The following DOCK9 variants were observed in gnomAD, a reference collection of about 807,000 sequenced individuals.
DOCK9 encodes the protein dedicator of cytokinesis 9.
In DOCK9, 89 loss-of-function variants were observed where a neutral mutation model predicts 263.3. The ratio of observed to expected loss-of-function variants is 0.34; its 90% CI spans 0.28 to 0.40. The LOEUF (loss-of-function observed/expected upper bound fraction) is 0.40. DOCK9 is among the 10% of genes least tolerant of loss of function. The probability of loss-of-function intolerance (pLI) is 1.00; values close to 1 mark genes in which losing one functional copy is unlikely to be tolerated. For synonymous variants in DOCK9, 976 were observed against 973.1 expected (o/e 1.00, Z -0.06); for missense variants, 2,140 against 2,603.4 (o/e 0.82, Z 3.87).
At chr13:98,988,232 G>A (rs1324985) in intron 1 of DOCK9, among the ~76,000 whole-genome samples, 75,239 of 151,914 alleles carry the variant, frequency 0.5, 18,913 homozygotes, top group East Asian at 0.66. Flanking sequence ...TATTCATTTC[G>A]GGAACAAAAT....
chr13:98,878,784 G>A (rs1045410458), intron 27 of DOCK9, among the ~76,000 whole-genome samples: 2 of 152,216 alleles, frequency 1.3e-5, no homozygotes, highest in South Asian at 2.1e-4. Flanking sequence ...TGCTTTACGG[G>A]AGGAAAAGGA....
chr13:99,053,759 T>C (rs755121780), intron 1 of DOCK9, among the ~76,000 whole-genome samples: 4 of 152,154 alleles, frequency 2.6e-5, no homozygotes, highest in African/African-American at 4.8e-5. Flanking sequence ...TCCCCAGCGA[T>C]AGCACAACAT....
At chr13:98,929,282 C>A (rs1281159811) in intron 3 of DOCK9, among the ~76,000 whole-genome samples, 1 of 152,202 alleles carries the variant, frequency 6.6e-6, no homozygotes, top group African/African-American at 2.4e-5. Flanking sequence ...GTGGCTCATG[C>A]CAGTAATCCT....
At chr13:98,982,411 A>G (rs1877423656), upstream of DOCK9, among the ~76,000 whole-genome samples, 1 of 152,198 alleles carries the variant, frequency 6.6e-6, no homozygotes, top group Non-Finnish European at 1.5e-5. Flanking sequence ...ATCTTCCCCA[A>G]GAACCCCTCC....
chr13:98,806,865 C>T (rs111242702), intron 48 of DOCK9, among the ~76,000 whole-genome samples: 8 of 150,720 alleles, frequency 5.3e-5, no homozygotes, highest in African/African-American at 2.0e-4. Context: ...GCTGAGATAG[C>T]GCCACTGCAC....
chr13:98,884,040 C>G (rs2045290370), intron 21 of DOCK9, 141 bp from the exon 22 acceptor site: 1 of 600,328 alleles, frequency 1.7e-6, no homozygotes, highest in Non-Finnish European at 2.9e-6. Context: ...GGGCCCATGG[C>G]AGGAATGCAG....
At chr13:98,863,334 T>C in intron 31 of DOCK9, 36 bp downstream of exon 31, 1 of 1,599,554 alleles carries the variant, frequency 6.3e-7, no homozygotes, top group Non-Finnish European at 8.5e-7. Context: ...TAAAGGACAT[T>C]ATCAATGCAC....
intron 50 of DOCK9, among the ~76,000 whole-genome samples, chr13:98,798,965 T>C (rs190941752): frequency 2.0e-5 from 3 of 152,340 alleles, no homozygotes; most frequent in East Asian, 3.9e-4. Flanking sequence ...GGCCTTTCCA[T>C]AGGGGCTGGA....
chr13:98,836,814 T>TC (rs755445545), intron 39 of DOCK9, among the ~76,000 whole-genome samples: 12 of 152,196 alleles, frequency 7.9e-5, no homozygotes, highest in Admixed American at 6.5e-5. Flanking sequence ...GGGTCCTATT[T>TC]CCCAAACACC....
intron 45 of DOCK9, among the ~76,000 whole-genome samples, chr13:98,814,931 G>A (rs1375880789): frequency 7.0e-5 from 9 of 128,068 alleles, no homozygotes; most frequent in Non-Finnish European, 1.5e-4. Flanking sequence ...GTCAGATTCT[G>A]TCTCAAAATA....
rs1487295135 is a variant in DOCK9, at chr13:98,826,835, C to T, written c.5018G>A (p.Arg1673Gln). 3.1e-6 allele frequency: 5 copies of T among 1,607,680 alleles called. No homozygotes were observed. Among genetic ancestry groups the T allele is most frequent in the Admixed American group, 1.7e-5 (1 of 59,228 alleles). ...ACATGAGAATAATTCCTTACCTTTCCGTGTGAGATATTCTGCCACTAGGGC... is the reference window on the plus strand; with the variant it reads ...ACATGAGAATAATTCCTTACCTTTCTGTGTGAGATATTCTGCCACTAGGGC... ...VTALVAEYLT[R>Q]KGVFRQGCTA... The change falls in exon 44 of 53, where the codon CGG (arginine) becomes CAG (glutamine). Residue 1673 changes from arginine to glutamine, a missense_variant. Physicochemically the swap from Arg to Gln is conservative, Grantham distance 43 (BLOSUM62 1). Coordinates refer to ENST00000682017, the MANE Select transcript of DOCK9 (RefSeq NM_001366683.2).
chr13:99,005,779 T>C (rs901077442), intron 1 of DOCK9, among the ~76,000 whole-genome samples: 1 of 152,220 alleles, frequency 6.6e-6, no homozygotes, highest in Non-Finnish European at 1.5e-5. Context: ...TAAATAAGTG[T>C]CTGTCCTAAT....
chr13:98,868,085 A>G, intron 28 of DOCK9, 74 bp from the exon 29 acceptor site: 10 of 1,547,640 alleles, frequency 6.5e-6, no homozygotes, highest in East Asian at 2.3e-5. Flanking sequence ...AGCAGCATTT[A>G]TTGCTAATAA....
At chr13:99,000,381 A>C (rs2141828411) in intron 1 of DOCK9, among the ~76,000 whole-genome samples, 1 of 152,236 alleles carries the variant, frequency 6.6e-6, no homozygotes, top group Non-Finnish European at 1.5e-5. Flanking sequence ...CAATCTGCTG[A>C]TGTTTTCAGC....
Position 99,047,870 on chromosome 13 carries a change from T to A in DOCK9, c.129+38353A>T, listed in dbSNP as rs763998969. ...AAGCAACCACCTTTCCAGGAAAGTG[T>A]CCCTGGATACAAACTCAATGTATTG... On this transcript the variant is annotated intron_variant, in intron 1 of 32. Transcript: ENST00000427887. Among the ~76,000 whole-genome samples the A allele has an allele frequency of 8.5e-5, 13 of 152,122 alleles. No homozygotes were observed. The South Asian group carries it at 1.5e-3, about 17-fold the overall frequency.
chr13:99,033,873 A>G (rs1053061354), intron 1 of DOCK9, among the ~76,000 whole-genome samples: 2 of 152,104 alleles, frequency 1.3e-5, no homozygotes, highest in African/African-American at 4.8e-5. Context: ...TGAGTAAATA[A>G]AAGTTTTATA....
intron 1 of DOCK9, among the ~76,000 whole-genome samples, chr13:99,078,880 A>G (rs2042015182): frequency 6.6e-6 from 1 of 152,246 alleles, no homozygotes; most frequent in Admixed American, 6.5e-5. Flanking sequence ...TGGGAAGGAC[A>G]GAAAATCGGA....
intron 1 of DOCK9, among the ~76,000 whole-genome samples, chr13:99,017,317 A>G (rs976945073): frequency 3.9e-5 from 6 of 152,236 alleles, no homozygotes; most frequent in African/African-American, 9.6e-5. Flanking sequence ...CACTAAACAC[A>G]TAAGTTAAAT....
intron 2 of DOCK9, among the ~76,000 whole-genome samples, chr13:98,942,977 A>C (rs1378069991): frequency 6.6e-6 from 1 of 152,260 alleles, no homozygotes; most frequent in Non-Finnish European, 1.5e-5. Context: ...CTGTATTTAT[A>C]CATCTCGATA....
Sources: gnomAD v4.1 joint callset for allele counts (sites outside exome capture counted in the v4.1 genomes callset) on GRCh38, gnomAD v4.1.1 for gene constraint, MANE v1.5 for transcripts, NCBI Gene and HGNC (gene_info 2026-07-23, HGNC 2026-07-21) for gene names.